The following DENND1C variants were observed in gnomAD, a reference collection of about 807,000 sequenced individuals.
The protein encoded by DENND1C is DENN domain containing 1C.
In DENND1C, 64 loss-of-function variants were observed where a neutral mutation model predicts 87.9. That is an observed-to-expected ratio of 0.73 (90% CI 0.60 to 0.90). The LOEUF (loss-of-function observed/expected upper bound fraction) is 0.90. Among genes scored for constraint, DENND1C ranks in the 40% least tolerant of loss-of-function variants. DENND1C has a pLI of 0.00. For missense variants in DENND1C, 980 were observed against 1,037.0 expected, an observed-to-expected ratio of 0.95 and a Z score of 0.76; for synonymous variants, 384 against 424.4, an observed-to-expected ratio of 0.90 and a Z score of 1.17.
intron 7 of DENND1C, 32 bp from the exon 8 acceptor site, chr19:6,477,315 T>A (rs1453646001): frequency 1.2e-6 from 2 of 1,604,582 alleles, no homozygotes; most frequent in African/African-American, 1.3e-5. Context: ...GTGGTCATGA[T>A]GGCTGGGACG....
intron 1 of DENND1C, among the ~76,000 whole-genome samples, chr19:6,480,946 C>T (rs897919015): frequency 2.0e-5 from 3 of 151,408 alleles, no homozygotes; most frequent in South Asian, 2.1e-4. Context: ...TGTGTGTGCC[C>T]GAGCAAGTGA....
chr19:6,471,544 T>C (rs1332797212), intron 15 of DENND1C, 48 bp from the exon 16 acceptor site: 7 of 1,472,778 alleles, frequency 4.8e-6, no homozygotes, highest in Non-Finnish European at 5.4e-6. Flanking sequence ...CACATCTGAA[T>C]GCCAGCACTT....
At position 6,467,527 on chromosome 19, in the gene DENND1C, G is replaced by C; in HGVS notation, c.2383C>G (p.Leu795Val). 1.2e-6 allele frequency: 2 copies of C among 1,606,846 alleles called. No individual in the cohort carries two copies. The highest frequency in any genetic ancestry group is 1.7e-6 in the Non-Finnish European group (2 of 1,177,236). Residue 795 changes from leucine (L) to valine (V), a missense_variant, in exon 23 of 23, where the codon CTT becomes GTT. Coordinates refer to ENST00000381480, the MANE Select transcript of DENND1C (RefSeq NM_024898.4). ...TCTTAACCCTCAAAGCACTTCTTAA[G>C]ATCAGCGACTCTGGGCCGGCTGCTG... Reference protein sequence around the residue: ...QPSSRPRVADLKKCFEG With the variant: ...QPSSRPRVADVKKCFEG
intron 17 of DENND1C, 77 bp from the exon 18 acceptor site, chr19:6,470,443 TC>T: frequency 1.4e-6 from 2 of 1,421,478 alleles, no homozygotes. Flanking sequence ...GTGATGCCAA[TC>T]AAGCCCCTTT....
chr19:6,470,058 G>T, intron 18 of DENND1C: 1 of 502,556 alleles, frequency 2.0e-6, no homozygotes, highest in Non-Finnish European at 3.5e-6. Context: ...TTTTAAAGGG[G>T]CCGTGGGCGG....
In DENND1C at chr19:6,477,504, G is replaced by A. The variant is rs778736783; in HGVS notation, c.367-46C>T. ...CGGGGGTGGCTGAGCCAGATGTGGG[G>A]ATTGGGGATTCCGAGGGCTATGACT... On this transcript the variant is annotated intron_variant, in intron 6 of 22. Coordinates refer to ENST00000381480, the MANE Select transcript of DENND1C (RefSeq NM_024898.4). 2.1e-5 allele frequency: 33 copies of A among 1,575,508 alleles called. No individual in the cohort carries two copies. The South Asian group carries it at 2.5e-4, about 12-fold the overall frequency.
At position 6,481,597 on chromosome 19, in the gene DENND1C, C is replaced by T. The variant is rs1011714491; in HGVS notation, c.17+82G>A. ...GGTCACTGCACCTCCCGGGCCTGCT[C>T]CAGCCCCAGCTCCCCTCTGCCCCGG... On this transcript the variant is annotated intron_variant, in intron 1 of 22. Coordinates refer to ENST00000381480, the MANE Select transcript of DENND1C (RefSeq NM_024898.4). The T allele has an allele frequency of 7.6e-5, 121 of 1,594,004 alleles. No homozygotes were observed. The African/African-American group carries it at 1.3e-3, about 17-fold the overall frequency.
At chr19:6,480,156 G>A (rs1249836758) in intron 1 of DENND1C, 105 bp from the exon 2 acceptor site, 55 of 1,519,676 alleles carry the variant, frequency 3.6e-5, no homozygotes, top group Non-Finnish European at 4.5e-5. Context: ...CACAAGGTGC[G>A]TCGGCATGTG....
At position 6,477,251 on chromosome 19, in the gene DENND1C, A is replaced by G; in HGVS notation, c.480T>C (p.Gly160=). 6.3e-7 allele frequency: 1 copy of G among 1,583,016 alleles called. No individual in the cohort carries two copies. The highest frequency in any genetic ancestry group is 1.8e-5 in the Admixed American group (1 of 55,418). ...TATTCCCCCGGGTAGGGGGGGGGAT[A>G]CCCTGCCCGCTGGAGACCGTCACTC... ...GSGVTVSSGQ[G]IPPPTRGNSK... is the part of the protein sequence containing the mutation. The change falls in exon 8 of 23, where the codon GGT becomes GGC. Residue 160 remains glycine (G), a synonymous_variant. Coordinates refer to ENST00000381480, the MANE Select transcript of DENND1C (RefSeq NM_024898.4).
Position 6,467,681 on chromosome 19 carries a change from A to C in DENND1C, c.2229T>G (p.Ser743=). Residue 743 remains serine, a synonymous_variant, in exon 23 of 23, where the codon TCT becomes TCG. Coordinates refer to ENST00000381480, the MANE Select transcript of DENND1C (RefSeq NM_024898.4). ...QPLDPSSDPS[S]LEDPRARPPK... is the part of the protein sequence containing the mutation. ...GAGGCCGGGCTCTGGGGTCCTCCAG[A>C]GAACTGGGGTCTGAGGAAGGATCAA... 6.6e-7 allele frequency: 1 copy of C among 1,520,794 alleles called. No homozygotes were observed. The highest frequency in any genetic ancestry group is 8.8e-7 in the Non-Finnish European group (1 of 1,136,858). The allele number at this position is 1,520,794 out of a possible 1,614,324, so 94.2% of individuals were successfully genotyped here.
intron 10 of DENND1C, chr19:6,476,278 C>T (rs529000408): frequency 1.4e-5 from 4 of 295,530 alleles, no homozygotes; most frequent in African/African-American, 8.9e-5. Context: ...ACGTAGACCG[C>T]CCTTGTCCCG....
At chr19:6,470,620 G>GTTTTTTTTTTT (rs35687922) in intron 17 of DENND1C, among the ~76,000 whole-genome samples, 28 of 114,782 alleles carry the variant, frequency 2.4e-4, no homozygotes, top group Non-Finnish European at 3.1e-4. Context: ...GTTTTTTTTT[G>GTTTTTTTTTTT]TTTTTTTTTT....
At chr19:6,474,771 A>T (rs2092848686) in intron 14 of DENND1C, among the ~76,000 whole-genome samples, 1 of 152,114 alleles carries the variant, frequency 6.6e-6, no homozygotes, top group Non-Finnish European at 1.5e-5. Context: ...TAATTAAAAA[A>T]ATATATAGAG....
intron 15 of DENND1C, among the ~76,000 whole-genome samples, chr19:6,471,806 C>A (rs765505872): frequency 6.6e-6 from 1 of 152,186 alleles, no homozygotes; most frequent in African/African-American, 2.4e-5. Flanking sequence ...CCATGCCCAG[C>A]TAACTTTTAT....
chr19:6,468,920 G>C lies in DENND1C; in HGVS notation c.1441C>G (p.Leu481Val). Residue 481 changes from leucine (L) to valine (V), a missense_variant, in exon 20 of 23, where the codon CTG (leucine) becomes GTG (valine). Transcript: ENST00000381480. ...GDSVLQRGGSLRAPALPSRSD... is the reference protein window; with the variant it reads ...GDSVLQRGGSVRAPALPSRSD... Reference sequence around the variant, plus strand: ...CGGCTGGGGAGGGCTGGGGCCCTCAGAGAGCCCCCCCTCTGCAGGACAGAG... The same window carrying C: ...CGGCTGGGGAGGGCTGGGGCCCTCACAGAGCCCCCCCTCTGCAGGACAGAG... The C allele has an allele frequency of 6.8e-7, 1 of 1,475,988 alleles. No individual in the cohort carries two copies. Among genetic ancestry groups the C allele is most frequent in the Non-Finnish European group, 8.9e-7 (1 of 1,117,800 alleles). 91.4% of individuals were successfully genotyped at this position (1,475,988 alleles called of 1,614,324 possible).
intron 18 of DENND1C, 125 bp from the exon 19 acceptor site, chr19:6,469,765 C>T: frequency 1.1e-6 from 1 of 917,016 alleles, no homozygotes; most frequent in Non-Finnish European, 1.7e-6. Flanking sequence ...ACGTTCACCA[C>T]CCCCCATACA....
At position 6,472,894 on chromosome 19, in the gene DENND1C, T is replaced by G; in HGVS notation, c.1153A>C (p.Lys385Gln). Reference sequence around the variant, plus strand: ...CCCTCAGGGCTCTGGCATACCTGTTTGAACAGCTGCAGGTGCACAGCCCGC... The same window carrying G: ...CCCTCAGGGCTCTGGCATACCTGTTGGAACAGCTGCAGGTGCACAGCCCGC... ...HRRAVHLQLF[K>Q]QFIEARLEKL... The change falls in exon 15 of 23, where the codon AAA (lysine) becomes CAA (glutamine). Residue 385 changes from lysine (K) to glutamine (Q), a missense_variant. By Grantham distance (53) the Lys-to-Gln change is moderately conservative. Transcript: ENST00000381480. 6.4e-7 allele frequency: 1 copy of G among 1,559,384 alleles called. No individual in the cohort carries two copies. Among genetic ancestry groups the G allele is most frequent in the Non-Finnish European group, 8.7e-7 (1 of 1,154,696 alleles).
chr19:6,468,440 T>A lies in DENND1C; in HGVS notation c.1585A>T (p.Thr529Ser), dbSNP rs760356003. The change falls in exon 22 of 23, where the codon ACA (threonine) becomes TCA (serine). Residue 529 changes from threonine to serine, a missense_variant and splice_region_variant. Coordinates refer to ENST00000381480, the MANE Select transcript of DENND1C (RefSeq NM_024898.4). ...EGTSEPPGAG[T>S]PPLSPEDEGC... is the part of the protein sequence containing the mutation. The stretch of plus-strand genomic sequence containing the variant: ...TCATCCTCAGGGCTCAGTGGGGGTG[T>A]CCTGGGTGAGGATGGGCAGCCTCAG... 7 of 1,611,648 alleles carry A rather than the reference T, an allele frequency of 4.3e-6. No individual in the cohort carries two copies. Among genetic ancestry groups the A allele is most frequent in the Non-Finnish European group, 5.1e-6 (6 of 1,179,002 alleles).
At chr19:6,468,497 G>T in intron 21 of DENND1C, 56 bp from the exon 22 acceptor site, 2 of 1,573,146 alleles carry the variant, frequency 1.3e-6, no homozygotes, top group East Asian at 2.3e-5. Context: ...CCCTGGTCAG[G>T]CTGCTCTGGA....
Sources: gnomAD v4.1 joint callset for allele counts (sites outside exome capture counted in the v4.1 genomes callset) on GRCh38, gnomAD v4.1.1 for gene constraint, MANE v1.5 for transcripts, NCBI Gene and HGNC (gene_info 2026-07-23, HGNC 2026-07-21) for gene names.